INPP4B: variants seen among roughly 807,000 people sequenced by gnomAD.
INPP4B encodes the protein inositol polyphosphate-4-phosphatase type II B, also known as inositol polyphosphate 4-phosphatase type II.
Under a neutral mutation model 122.5 loss-of-function variants are expected in INPP4B, and 55 were observed. The ratio of observed to expected loss-of-function variants is 0.45; its 90% CI spans 0.36 to 0.56. The LOEUF (loss-of-function observed/expected upper bound fraction) is 0.56. Ranked by LOEUF, INPP4B falls within the 20% of genes least tolerant of loss-of-function variation. INPP4B has a pLI of 0.00. For synonymous variants in INPP4B, 403 were observed against 388.7 expected, an observed-to-expected ratio of 1.04 and a Z score of -0.43; for missense variants, 1,000 against 1,097.7, an observed-to-expected ratio of 0.91 and a Z score of 1.26.
chr4:142,028,689 A>G lies in INPP4B; in HGVS notation c.*93T>C, dbSNP rs1737815453. 2 of 1,361,828 alleles carry G rather than the reference A, an allele frequency of 1.5e-6. No individual in the cohort carries two copies. The highest frequency in any genetic ancestry group is 2.0e-6 in the Non-Finnish European group (2 of 995,092). 84.4% of individuals were successfully genotyped at this position (1,361,828 alleles called of 1,614,324 possible). ...TCTGTGATCATCTCCCCCACCACAA[A>G]TTCATGACAATAAAAACAAACAAAA... On this transcript the variant is annotated 3_prime_UTR_variant, in exon 26 of 26. Transcript: ENST00000262992.
intron 1 of INPP4B, among the ~76,000 whole-genome samples, chr4:142,831,374 G>A (rs1457914177): frequency 6.6e-6 from 1 of 152,198 alleles, no homozygotes; most frequent in African/African-American, 2.4e-5. Flanking sequence ...TCTTCAGGAA[G>A]ATAGGATATA....
intron 1 of INPP4B, among the ~76,000 whole-genome samples, chr4:142,805,632 G>A (rs12500808): frequency 0.051 from 7,781 of 152,184 alleles, 299 homozygotes; most frequent in Middle Eastern, 0.11. Context: ...CAATGAGGAC[G>A]AAGACCTTTA....
intron 14 of INPP4B, among the ~76,000 whole-genome samples, chr4:142,200,283 T>C (rs1204604223): frequency 1.3e-5 from 2 of 151,980 alleles, no homozygotes; most frequent in African/African-American, 4.8e-5. Context: ...AAAATTTTTT[T>C]AGCATGTCAT....
At chr4:142,169,596 G>C (rs1309504034) in intron 16 of INPP4B, among the ~76,000 whole-genome samples, 2 of 151,622 alleles carry the variant, frequency 1.3e-5, no homozygotes, top group Non-Finnish European at 1.5e-5. Flanking sequence ...ATTTTTCTTT[G>C]AATATAAGAG....
intron 14 of INPP4B, among the ~76,000 whole-genome samples, chr4:142,205,445 T>C (rs1454296731): frequency 6.6e-6 from 1 of 152,158 alleles, no homozygotes; most frequent in East Asian, 1.9e-4. Context: ...ATCTTTAATC[T>C]AAACCTGGCT....
intron 23 of INPP4B, among the ~76,000 whole-genome samples, chr4:142,098,746 T>A (rs1783174422): frequency 1.3e-5 from 2 of 152,126 alleles, no homozygotes; most frequent in South Asian, 4.1e-4. Flanking sequence ...ACAGCTTTTT[T>A]AAGGGCTTAT....
chr4:142,304,364 G>A (rs886499145), intron 9 of INPP4B, among the ~76,000 whole-genome samples: 6 of 151,950 alleles, frequency 3.9e-5, no homozygotes, highest in East Asian at 1.9e-4. Flanking sequence ...CACCAACACC[G>A]ACACCATATG....
At chr4:142,567,432 G>T (rs543922822) in intron 2 of INPP4B, among the ~76,000 whole-genome samples, 2 of 152,218 alleles carry the variant, frequency 1.3e-5, no homozygotes, top group African/African-American at 4.8e-5. Flanking sequence ...GGTGGTGAAA[G>T]TTGTTCTTTA....
chr4:142,469,725 A>C lies in INPP4B; in HGVS notation c.-190-6999T>G, dbSNP rs141794870. Among the ~76,000 whole-genome samples, 22 of 152,284 alleles carry C rather than the reference A, an allele frequency of 1.4e-4. No individual in the cohort carries two copies. In the East Asian group the frequency reaches 4.0e-3, roughly 28 times the overall value. On this transcript the variant is annotated intron_variant, in intron 2 of 25. Transcript: ENST00000262992. Reference sequence around the variant, plus strand: ...ATTCAACAAATATATAATGCCTGTCATATGCCAAGCACTGCACTAATTATT... The same window carrying C: ...ATTCAACAAATATATAATGCCTGTCCTATGCCAAGCACTGCACTAATTATT...
intron 12 of INPP4B, among the ~76,000 whole-genome samples, chr4:142,226,033 A>T (rs1233131897): frequency 6.6e-6 from 1 of 152,226 alleles, no homozygotes; most frequent in Non-Finnish European, 1.5e-5. Flanking sequence ...ATTTCAATGT[A>T]GGCTGAGCAC....
intron 9 of INPP4B, among the ~76,000 whole-genome samples, chr4:142,278,316 T>A (rs1345999371): frequency 6.6e-6 from 1 of 151,878 alleles, no homozygotes; most frequent in Non-Finnish European, 1.5e-5. Flanking sequence ...CAACCTAGAT[T>A]AGACACAGCT....
At chr4:142,321,787 T>C (rs1431620539) in intron 7 of INPP4B, among the ~76,000 whole-genome samples, 3 of 152,168 alleles carry the variant, frequency 2.0e-5, no homozygotes, top group Admixed American at 1.3e-4. Context: ...TTCTGTTCCA[T>C]TGTTCTATGT....
chr4:142,446,704 C>G (rs1580085429), intron 3 of INPP4B, among the ~76,000 whole-genome samples: 1 of 152,032 alleles, frequency 6.6e-6, no homozygotes, highest in African/African-American at 2.4e-5. Context: ...TATGAAGCAA[C>G]ATAGATAAAC....
intron 5 of INPP4B, among the ~76,000 whole-genome samples, chr4:142,426,213 C>T (rs1808024711): frequency 6.6e-6 from 1 of 151,824 alleles, no homozygotes; most frequent in South Asian, 2.1e-4. Flanking sequence ...AGGAGAAAAA[C>T]CTTAAAGTAG....
chr4:142,500,896 G>A (rs1580222857), intron 2 of INPP4B, among the ~76,000 whole-genome samples: 1 of 151,884 alleles, frequency 6.6e-6, no homozygotes, highest in East Asian at 1.9e-4. Context: ...ATAGGGAGTT[G>A]TTCAATAAAT....
At chr4:142,560,100 G>A (rs1455976508) in intron 2 of INPP4B, among the ~76,000 whole-genome samples, 1 of 152,164 alleles carries the variant, frequency 6.6e-6, no homozygotes, top group East Asian at 1.9e-4. Context: ...CAATTTCACA[G>A]AAGGGGGTTT....
At chr4:142,753,141 C>T (rs1205435573) in intron 1 of INPP4B, among the ~76,000 whole-genome samples, 2 of 152,048 alleles carry the variant, frequency 1.3e-5, no homozygotes, top group Non-Finnish European at 2.9e-5. Context: ...TTAAAAAATA[C>T]TCAACACAAT....
At chr4:142,720,747 T>C (rs189615654) in intron 2 of INPP4B, among the ~76,000 whole-genome samples, 10 of 97,784 alleles carry the variant, frequency 1.0e-4, no homozygotes, top group East Asian at 3.2e-4. Context: ...TATATATATA[T>C]ACATATATAT....
intron 25 of INPP4B, chr4:142,030,357 G>A: frequency 1.4e-6 from 2 of 1,446,518 alleles, no homozygotes; most frequent in South Asian, 1.3e-5. Flanking sequence ...AGTTCACACA[G>A]TAAAAAAAAT....
Sources: gnomAD v4.1 joint callset for allele counts (sites outside exome capture counted in the v4.1 genomes callset) on GRCh38, gnomAD v4.1.1 for gene constraint, MANE v1.5 for transcripts, NCBI Gene and HGNC (gene_info 2026-07-23, HGNC 2026-07-21) for gene names.